Variants in DNM3 observed in about 807,000 individuals in gnomAD.
DNM3 encodes the protein dynamin-3.
DNM3 carries 47 observed loss-of-function variants against 101.6 expected under a neutral mutation model. The ratio of observed to expected loss-of-function variants is 0.46; its 90% CI spans 0.37 to 0.59. The LOEUF is 0.59. DNM3 is among the 20% of genes least tolerant of loss of function. The pLI, the probability that DNM3 is intolerant of heterozygous loss-of-function variation, is 0.00. For missense variants in DNM3, 849 were observed against 1,085.7 expected (o/e 0.78, Z 3.06); for synonymous variants, 385 against 387.9 (o/e 0.99, Z 0.09).
chr1:172,274,212 A>T (rs996835128), intron 15 of DNM3, among the ~76,000 whole-genome samples: 4 of 152,014 alleles, frequency 2.6e-5, no homozygotes, highest in Non-Finnish European at 2.9e-5. Context: ...CAGTGATGGA[A>T]TTTCCAGAGC....
At chr1:172,211,256 G>A (rs610587) in intron 14 of DNM3, among the ~76,000 whole-genome samples, 37,648 of 151,922 alleles carry the variant, frequency 0.25, 8,095 homozygotes, top group African/African-American at 0.58. Flanking sequence ...TCATCACTCC[G>A]TAATTACTAG....
intron 17 of DNM3, among the ~76,000 whole-genome samples, chr1:172,356,182 C>T (rs140929683): frequency 1.1e-3 from 163 of 151,732 alleles, no homozygotes; most frequent in African/African-American, 3.1e-3. Context: ...AGGAACGAAA[C>T]GAAAAAATGT....
intron 14 of DNM3, among the ~76,000 whole-genome samples, chr1:172,149,745 T>C (rs540463730): frequency 3.9e-5 from 6 of 152,234 alleles, no homozygotes; most frequent in African/African-American, 1.4e-4. Flanking sequence ...ATTTCCTTAG[T>C]GTGACTCAAA....
intron 14 of DNM3, among the ~76,000 whole-genome samples, chr1:172,190,156 C>T (rs909578258): frequency 1.3e-5 from 2 of 151,940 alleles, no homozygotes; most frequent in Non-Finnish European, 2.9e-5. Context: ...GCTATCCCTC[C>T]CTTTTCCCTG....
At chr1:172,286,238 CCTCT>C (rs1486483731) in intron 15 of DNM3, among the ~76,000 whole-genome samples, 1 of 152,024 alleles carries the variant, frequency 6.6e-6, no homozygotes, top group Non-Finnish European at 1.5e-5. Flanking sequence ...GGACCAATGG[CCTCT>C]CTCTCTATTT....
chr1:171,983,640 T>C (rs1236211807), intron 2 of DNM3, among the ~76,000 whole-genome samples: 2 of 152,176 alleles, frequency 1.3e-5, no homozygotes, highest in African/African-American at 4.8e-5. Context: ...ATCTCATCAC[T>C]TACCTGACTT....
intron 14 of DNM3, among the ~76,000 whole-genome samples, chr1:172,224,184 C>T (rs2061017673): frequency 6.6e-6 from 1 of 152,162 alleles, no homozygotes; most frequent in Non-Finnish European, 1.5e-5. Flanking sequence ...ACAACACAGA[C>T]TTAACTTTCT....
intron 1 of DNM3, among the ~76,000 whole-genome samples, chr1:171,888,169 T>C (rs746650259): frequency 5.3e-5 from 8 of 152,080 alleles, no homozygotes; most frequent in Non-Finnish European, 8.8e-5. Flanking sequence ...GAAATTTTTC[T>C]TTATCATTAG....
intron 17 of DNM3, among the ~76,000 whole-genome samples, chr1:172,335,919 C>A (rs1290922962): frequency 6.6e-6 from 1 of 152,070 alleles, no homozygotes; most frequent in Admixed American, 6.6e-5. Flanking sequence ...AACAAACCTG[C>A]ACGTTTACCC....
chr1:172,142,257 A>T (rs983080698), intron 14 of DNM3: 5 of 152,066 alleles, frequency 3.3e-5, no homozygotes, highest in African/African-American at 1.2e-4. Flanking sequence ...ATGAAAATAA[A>T]ATTAAACATT....
intron 12 of DNM3, among the ~76,000 whole-genome samples, chr1:172,089,183 A>G (rs1259766989): frequency 1.3e-5 from 2 of 152,158 alleles, no homozygotes; most frequent in Non-Finnish European, 2.9e-5. Flanking sequence ...ATTAATATGG[A>G]TTTTATTTTT....
intron 14 of DNM3, among the ~76,000 whole-genome samples, chr1:172,244,936 A>G (rs2061894055): frequency 1.3e-5 from 2 of 152,214 alleles, no homozygotes; most frequent in African/African-American, 2.4e-5. Context: ...TTTAGTTTTC[A>G]ACAGCATGTG....
chr1:172,046,639 A>C (rs561984921), intron 9 of DNM3, among the ~76,000 whole-genome samples: 1 of 152,316 alleles, frequency 6.6e-6, no homozygotes, highest in Admixed American at 6.5e-5. Context: ...GGCAGATACG[A>C]GTTTACAAAG....
rs544610854 is a variant in DNM3 at position 172,009,929 on chromosome 1, A to G, written c.589+20781A>G. ...TACTTGTTCTTTGAATTACTGAGAC[A>G]GGAATGTTATATCCTTAACTATATT... On this transcript the variant is annotated intron_variant, in intron 4 of 20. Transcript: ENST00000627582. 2.0e-5 allele frequency among the ~76,000 whole-genome samples: 3 copies of G among 151,936 alleles called. No homozygotes were observed. The East Asian group carries it at 5.8e-4, about 29-fold the overall frequency.
intron 15 of DNM3, among the ~76,000 whole-genome samples, chr1:172,305,293 T>C (rs1224964674): frequency 3.9e-5 from 6 of 152,000 alleles, no homozygotes; most frequent in Admixed American, 1.3e-4. Flanking sequence ...AAGAAATGGA[T>C]AAATTCCTGG....
chr1:171,936,012 A>G (rs1249257110), intron 2 of DNM3, among the ~76,000 whole-genome samples: 1 of 150,832 alleles, frequency 6.6e-6, no homozygotes, highest in Non-Finnish European at 1.5e-5. Context: ...CCCCCTGAAG[A>G]AGGTGTTTTT....
chr1:171,964,216 C>G (rs538692288), intron 2 of DNM3, among the ~76,000 whole-genome samples: 1 of 152,062 alleles, frequency 6.6e-6, no homozygotes, highest in Non-Finnish European at 1.5e-5. Context: ...GGTCTTTTTC[C>G]TGATCCAGGA....
intron 17 of DNM3, among the ~76,000 whole-genome samples, chr1:172,331,358 G>C (rs2066176092): frequency 6.6e-6 from 1 of 152,090 alleles, no homozygotes; most frequent in Non-Finnish European, 1.5e-5. Flanking sequence ...TATTAGGCTA[G>C]CAGAATAATT....
At chr1:171,862,438 G>A (rs902261411) in intron 1 of DNM3, among the ~76,000 whole-genome samples, 1 of 152,162 alleles carries the variant, frequency 6.6e-6, no homozygotes, top group African/African-American at 2.4e-5. Context: ...ATACAGGCAT[G>A]CTACAACATG....
Sources: gnomAD v4.1 joint callset for allele counts (sites outside exome capture counted in the v4.1 genomes callset) on GRCh38, gnomAD v4.1.1 for gene constraint, MANE v1.5 for transcripts, NCBI Gene and HGNC (gene_info 2026-07-23, HGNC 2026-07-21) for gene names.